Variants in CEP350 observed in about 807,000 individuals in gnomAD.
The protein encoded by CEP350 is centrosome-associated protein 350.
Under a neutral mutation model 331.8 loss-of-function variants are expected in CEP350, and 126 were observed. The ratio of observed to expected loss-of-function variants is 0.38; its 90% CI spans 0.33 to 0.44. CEP350 has a LOEUF of 0.44. CEP350 is among the 20% of genes least tolerant of loss of function. The pLI, the probability that CEP350 is intolerant of heterozygous loss-of-function variation, is 1.00. For missense variants in CEP350, 3,406 were observed against 3,634.6 expected (o/e 0.94, Z 1.62); for synonymous variants, 1,200 against 1,259.5 (o/e 0.95, Z 1.00).
At position 180,020,262 on chromosome 1, in the gene CEP350, G is replaced by A. The variant is rs766986642; in HGVS notation, c.2488G>A (p.Ala830Thr). The A allele has an allele frequency of 1.2e-6, 2 of 1,613,902 alleles. No individual in the cohort carries two copies. The highest frequency in any genetic ancestry group is 2.2e-5 in the East Asian group (1 of 44,898). ...SKLDRIEALK[A>T]TAASLSSRIE... is the part of the protein sequence containing the mutation. ...ACTGGATCGTATTGAAGCCTTGAAA[G>A]CAACAGCTGCTTCTTTGTCCAGCAG... The change falls in exon 12 of 38, where the codon GCA (alanine) becomes ACA (threonine). Residue 830 changes from alanine to threonine, a missense_variant. By Grantham distance (58) the Ala-to-Thr change is moderately conservative (BLOSUM62 0). Transcript: ENST00000367607.
At chr1:179,981,392 G>A (rs1205037119) in intron 1 of CEP350, among the ~76,000 whole-genome samples, 1 of 152,158 alleles carries the variant, frequency 6.6e-6, no homozygotes, top group Non-Finnish European at 1.5e-5. Flanking sequence ...TAATCTGTTT[G>A]ACTTGGTAAA....
intron 1 of CEP350, among the ~76,000 whole-genome samples, chr1:179,966,912 T>C (rs1206831836): frequency 6.6e-6 from 1 of 152,196 alleles, no homozygotes; most frequent in East Asian, 1.9e-4. Flanking sequence ...GGTACCTTGC[T>C]TTGTCACTTG....
chr1:180,020,783 G>A lies in CEP350; in HGVS notation c.3009G>A (p.Gln1003=). ...AAGAAGAGGGAGACCAGGATGGACAGCCCCTTTTGAAAGTAGCAGAAATTT... is the reference window on the plus strand; with the variant it reads ...AAGAAGAGGGAGACCAGGATGGACAACCCCTTTTGAAAGTAGCAGAAATTT... ...LSEEEGDQDG[Q]PLLKVAEILK... Residue 1003 remains glutamine, a synonymous_variant, in exon 12 of 38, where the codon CAG becomes CAA. Transcript: ENST00000367607. The A allele has an allele frequency of 6.2e-7, 1 of 1,613,764 alleles. No individual in the cohort carries two copies. The highest frequency in any genetic ancestry group is 8.5e-7 in the Non-Finnish European group (1 of 1,179,840).
chr1:179,960,569 A>G (rs927807574), intron 1 of CEP350, among the ~76,000 whole-genome samples: 2 of 152,082 alleles, frequency 1.3e-5, no homozygotes, highest in African/African-American at 4.8e-5. Flanking sequence ...GATACCACAC[A>G]AGAGATTGTG....
At position 180,094,312 on chromosome 1, in the gene CEP350, C is replaced by T; in HGVS notation, c.8207C>T (p.Ser2736Leu). Residue 2736 changes from serine to leucine, a missense_variant, in exon 34 of 38, where the codon TCA becomes TTA. Coordinates refer to ENST00000367607, the MANE Select transcript of CEP350 (RefSeq NM_014810.5). The part of the protein sequence containing the change: ...EKNQLEAQLK[S>L]SLNEEKKSKQ... ...AACCAACTGGAAGCCCAGCTGAAGT[C>T]ATCACTAAATGAGGAAAAAAAGTCA... 1 of 1,613,866 alleles carries T rather than the reference C, an allele frequency of 6.2e-7. No homozygotes were observed. Among genetic ancestry groups the T allele is most frequent in the East Asian group, 2.2e-5 (1 of 44,870 alleles).
chr1:179,986,380 ATTCTCT>A, intron 2 of CEP350, 126 bp downstream of exon 2: 1 of 576,778 alleles, frequency 1.7e-6, no homozygotes, highest in Non-Finnish European at 3.0e-6. Context: ...TCATTTTAAA[ATTCTCT>A]TATATTTTAA....
chr1:180,110,543 A>C (rs765720411), intron 37 of CEP350, among the ~76,000 whole-genome samples: 1 of 152,208 alleles, frequency 6.6e-6, no homozygotes, highest in African/African-American at 2.4e-5. Flanking sequence ...ATGTTCAGTA[A>C]GTTAGGTGTA....
chr1:180,014,551 A>G (rs1318964589), intron 10 of CEP350, 46 bp downstream of exon 10: 1 of 1,502,880 alleles, frequency 6.7e-7, no homozygotes, highest in East Asian at 2.3e-5. Context: ...ATGGTTAGGA[A>G]ATGCTTATTT....
Position 180,021,908 on chromosome 1 carries a change from T to A in CEP350, c.3236-790T>A, listed in dbSNP as rs573953577. On this transcript the variant is annotated intron_variant, in intron 12 of 37. Transcript: ENST00000367607. Reference sequence around the variant, plus strand: ...ATACCTGAAATCCTGCAACACAGTTTTCTTTTCTATGATAGACTCAATTCC... The same window carrying A: ...ATACCTGAAATCCTGCAACACAGTTATCTTTTCTATGATAGACTCAATTCC... 2.4e-4 allele frequency among the ~76,000 whole-genome samples: 37 copies of A among 152,330 alleles called. No homozygotes were observed. The South Asian group carries it at 7.7e-3, about 32-fold the overall frequency.
chr1:179,985,699 G>A (rs1652597721), intron 1 of CEP350, among the ~76,000 whole-genome samples: 2 of 152,094 alleles, frequency 1.3e-5, no homozygotes, highest in Non-Finnish European at 1.5e-5. Context: ...AATGCCAGAC[G>A]CTTATAAAAC....
intron 3 of CEP350, among the ~76,000 whole-genome samples, chr1:179,987,655 G>A (rs577994534): frequency 5.1e-4 from 77 of 151,828 alleles, no homozygotes; most frequent in Non-Finnish European, 8.4e-4. Flanking sequence ...GGCTGGTTGC[G>A]GTGGCTTACT....
intron 37 of CEP350, among the ~76,000 whole-genome samples, chr1:180,105,302 G>A (rs918245258): frequency 5.3e-5 from 8 of 151,800 alleles, no homozygotes; most frequent in Admixed American, 2.0e-4. Flanking sequence ...CCTGGAATCC[G>A]CCCACGGACC....
At chr1:179,974,255 T>C (rs1474881245) in intron 1 of CEP350, among the ~76,000 whole-genome samples, 2 of 152,166 alleles carry the variant, frequency 1.3e-5, no homozygotes, top group African/African-American at 2.4e-5. Context: ...AATTTTTTGG[T>C]ATTTTTAGTA....
At chr1:180,067,213 G>C (rs1173735302) in intron 27 of CEP350, among the ~76,000 whole-genome samples, 1 of 151,986 alleles carries the variant, frequency 6.6e-6, no homozygotes, top group Non-Finnish European at 1.5e-5. Flanking sequence ...TAGAATTTTT[G>C]TATTATTCCT....
chr1:180,081,441 T>G (rs1309091305), intron 30 of CEP350, among the ~76,000 whole-genome samples: 1 of 152,248 alleles, frequency 6.6e-6, no homozygotes, highest in African/African-American at 2.4e-5. Context: ...TTAGATTTTC[T>G]TAAATATTTC....
intron 22 of CEP350, among the ~76,000 whole-genome samples, chr1:180,051,908 A>G (rs1216399207): frequency 1.3e-5 from 2 of 152,212 alleles, no homozygotes; most frequent in Non-Finnish European, 2.9e-5. Context: ...TTGAACAAAT[A>G]AGTAAACGAG....
At chr1:179,971,080 G>A (rs1295950719) in intron 1 of CEP350, among the ~76,000 whole-genome samples, 2 of 150,926 alleles carry the variant, frequency 1.3e-5, no homozygotes, top group African/African-American at 2.4e-5. Context: ...TCAGGCTGGA[G>A]TGCAGCAGTG....
At chr1:180,046,797 A>T (rs1269875104) in intron 21 of CEP350, among the ~76,000 whole-genome samples, 2 of 152,170 alleles carry the variant, frequency 1.3e-5, no homozygotes, top group African/African-American at 4.8e-5. Flanking sequence ...ACCAGAACTT[A>T]GCAAAGTACC....
At chr1:179,980,563 G>T (rs997735422) in intron 1 of CEP350, among the ~76,000 whole-genome samples, 1 of 151,870 alleles carries the variant, frequency 6.6e-6, no homozygotes, top group Non-Finnish European at 1.5e-5. Context: ...CTGTGGCTAA[G>T]GTTTCCAGAA....
Sources: gnomAD v4.1 joint callset for allele counts (sites outside exome capture counted in the v4.1 genomes callset) on GRCh38, gnomAD v4.1.1 for gene constraint, MANE v1.5 for transcripts, NCBI Gene and HGNC (gene_info 2026-07-23, HGNC 2026-07-21) for gene names.